D2HGDH: variants seen among roughly 807,000 people sequenced by gnomAD.
D2HGDH encodes the protein D-2-hydroxyglutarate dehydrogenase.
D2HGDH carries 31 observed loss-of-function variants against 46.9 expected under a neutral mutation model. The observed-to-expected ratio is 0.66, with a 90% CI of 0.50 to 0.89. The LOEUF is 0.89. D2HGDH is among the 40% of genes least tolerant of loss of function. The pLI is 0.00. For synonymous variants in D2HGDH, 364 were observed against 332.6 expected (o/e 1.09, Z -1.03); for missense variants, 698 against 720.8 (o/e 0.97, Z 0.36).
chr2:241,764,023 G>T (rs1398377426), intron 9 of D2HGDH, among the ~76,000 whole-genome samples: 11 of 152,254 alleles, frequency 7.2e-5, no homozygotes, highest in Non-Finnish European at 4.4e-5. Flanking sequence ...TCCGGCCTGG[G>T]TGACAGAGGG....
intron 9 of D2HGDH, among the ~76,000 whole-genome samples, chr2:241,757,401 AGGGG>A (rs1698289632): frequency 7.8e-6 from 1 of 127,972 alleles, no homozygotes; most frequent in Non-Finnish European, 1.8e-5. Flanking sequence ...GAATATGGGA[AGGGG>A]GTAAGGGCAT....
At position 241,755,812 on chromosome 2, in the gene D2HGDH, A is replaced by G. The variant is rs150709879; in HGVS notation, c.1141-37A>G. ...CCCCCTGTCCCCGGGTGTCGTTCCC[A>G]TAGCCAGCCCTTGTCTCATCTCGTC... On this transcript the variant is annotated intron_variant, in intron 8 of 9. Transcript: ENST00000321264. 4,324 of 1,610,338 alleles carry G rather than the reference A, an allele frequency of 2.7e-3. 100 individuals carry two copies. In the African/African-American group the frequency reaches 0.048, roughly 18 times the overall value.
chr2:241,745,967 C>G (rs373421625), intron 6 of D2HGDH, among the ~76,000 whole-genome samples: 2 of 152,156 alleles, frequency 1.3e-5, no homozygotes, highest in Non-Finnish European at 2.9e-5. Context: ...TCCTGGCCCC[C>G]CTTGGGCCAC....
At position 241,735,300 on chromosome 2, in the gene D2HGDH, C is replaced by T. The variant is rs146696295; in HGVS notation, c.76C>T (p.Arg26Trp). Residue 26 changes from arginine to tryptophan, a missense_variant, in exon 2 of 10, where the codon CGG becomes TGG. Transcript: ENST00000321264. ...GAPGAAGSWG[R>W]PVGPLARRGC... ...TCCGGGAGCCGCGGGTTCTTGGGGTCGGCCGGTTGGCCCCCTGGCCCGCAG... is the reference window on the plus strand; with the variant it reads ...TCCGGGAGCCGCGGGTTCTTGGGGTTGGCCGGTTGGCCCCCTGGCCCGCAG... 287 of 1,528,818 alleles carry T rather than the reference C, an allele frequency of 1.9e-4. 1 individual carries two copies. The African/African-American group carries it at 3.0e-3, about 16-fold the overall frequency. 94.7% of individuals were successfully genotyped at this position (1,528,818 alleles called of 1,614,324 possible).
chr2:241,750,030 CCTCGTGGCTGCCCAG>C (rs1353983562), intron 6 of D2HGDH, 106 bp from the exon 7 acceptor site: 2 of 1,478,354 alleles, frequency 1.4e-6, no homozygotes, highest in Non-Finnish European at 1.9e-6. Flanking sequence ...TCCTCGTGCT[CCTCGTGGCTGCCCAG>C]CTCACCCACC....
In D2HGDH at chr2:241,751,285, A is replaced by G. The variant is rs745398611; in HGVS notation, c.1037A>G (p.Asn346Ser). Reference sequence around the variant, plus strand: ...GTCCTCATCGAGACTTCAGGCTCCAACGCAGGCCATGACGCTGAGAAGCTG... The same window carrying G: ...GTCCTCATCGAGACTTCAGGCTCCAGCGCAGGCCATGACGCTGAGAAGCTG... ...FYVLIETSGS[N>S]AGHDAEKLGH... The change falls in exon 8 of 10, where the codon AAC becomes AGC. Residue 346 changes from asparagine (N) to serine (S), a missense_variant. Physicochemically the swap from Asn to Ser is conservative, Grantham distance 46. Coordinates refer to ENST00000321264, the MANE Select transcript of D2HGDH (RefSeq NM_152783.5). The G allele has an allele frequency of 6.2e-7, 1 of 1,614,010 alleles. No individual in the cohort carries two copies. Among genetic ancestry groups the G allele is most frequent in the South Asian group, 1.1e-5 (1 of 91,086 alleles).
intron 2 of D2HGDH, among the ~76,000 whole-genome samples, chr2:241,736,848 A>T (rs1308106679): frequency 2.7e-5 from 4 of 150,150 alleles, no homozygotes; most frequent in Non-Finnish European, 5.9e-5. Flanking sequence ...TTTAGTAGAG[A>T]CGGGGTTTCA....
In D2HGDH at chr2:241,743,572, G is replaced by T; in HGVS notation, c.491-50G>T. 1 of 1,585,540 alleles carries T rather than the reference G, an allele frequency of 6.3e-7. No homozygotes were observed. The highest frequency in any genetic ancestry group is 1.1e-5 in the South Asian group (1 of 88,132). On this transcript the variant is annotated intron_variant, in intron 4 of 9. Coordinates refer to ENST00000321264, the MANE Select transcript of D2HGDH (RefSeq NM_152783.5). The surrounding 1 kb of genome is among the most constrained non-coding windows in gnomAD (Gnocchi z 4.8). ...GATGGGGGTTGGGACTCACCAGCCC[G>T]GGGGCCCACTGGAAGCCAAGTGCTG...
rs111943006 is a variant in D2HGDH, at chr2:241,765,101, G to A, written c.1307-2609G>A. ...AGCTCCAGGGGCGACACCCATGGGG[G>A]TGGGGGCGTCCAGATAGAGCTGCCC... On this transcript the variant is annotated intron_variant, in intron 9 of 9. Transcript: ENST00000321264. 3.0e-3 allele frequency among the ~76,000 whole-genome samples: 454 copies of A among 152,318 alleles called. 2 individuals carry two copies. The highest frequency in any genetic ancestry group is 0.01 in the African/African-American group (430 of 41,556).
chr2:241,751,525 G>T (rs1697199449), intron 8 of D2HGDH, 137 bp downstream of exon 8: 2 of 1,344,160 alleles, frequency 1.5e-6, no homozygotes, highest in East Asian at 2.5e-5. Context: ...TCATGGCTTT[G>T]AGAGAGTAGC....
At chr2:241,737,234 T>G (rs1191826352) in intron 2 of D2HGDH, among the ~76,000 whole-genome samples, 1 of 152,184 alleles carries the variant, frequency 6.6e-6, no homozygotes, top group Non-Finnish European at 1.5e-5. Flanking sequence ...CCTCCCAAAG[T>G]GCTGGGATTA....
chr2:241,739,105 A>T (rs1381000884), intron 2 of D2HGDH, among the ~76,000 whole-genome samples: 2 of 152,188 alleles, frequency 1.3e-5, no homozygotes, highest in East Asian at 3.9e-4. Flanking sequence ...CCTTGCCCCC[A>T]TGGCCCCCTC....
intron 5 of D2HGDH, among the ~76,000 whole-genome samples, chr2:241,744,471 C>T (rs573983695): frequency 6.3e-4 from 96 of 152,342 alleles, no homozygotes; most frequent in African/African-American, 1.8e-3. Flanking sequence ...TGGCTGGGTC[C>T]TGGGCTGGGC....
chr2:241,743,193 C>T lies in D2HGDH; in HGVS notation c.491-429C>T, dbSNP rs376371017. On this transcript the variant is annotated intron_variant, in intron 4 of 9. Transcript: ENST00000321264. This position sits in a 1 kb window ranked among gnomAD's most constrained non-coding sequence, Gnocchi z 4.8. ...TCTCCCCGCAAGGCCGGGCTCCAGGCCCCGGTCACTCTGTGGTCGGGCGCC... is the reference window on the plus strand; with the variant it reads ...TCTCCCCGCAAGGCCGGGCTCCAGGTCCCGGTCACTCTGTGGTCGGGCGCC... Among the ~76,000 whole-genome samples, 28 of 152,318 alleles carry T rather than the reference C, an allele frequency of 1.8e-4. 1 individual carries two copies. In the East Asian group the frequency reaches 2.7e-3, roughly 15 times the overall value.
At chr2:241,736,670 C>CTTTTTTTTTTTTTTTTTTTTTTT (rs768906916) in intron 2 of D2HGDH, among the ~76,000 whole-genome samples, 1 of 147,400 alleles carries the variant, frequency 6.8e-6, no homozygotes. Context: ...ACCGTTTATC[C>CTTTTTTTTTTTTTTTTTTTTTTT]GTTTTTTTTT....
At chr2:241,737,710 G>A (rs1198366249) in intron 2 of D2HGDH, among the ~76,000 whole-genome samples, 1 of 152,158 alleles carries the variant, frequency 6.6e-6, no homozygotes, top group African/African-American at 2.4e-5. Context: ...GAGCAACATG[G>A]TGAAACTCTA....
At chr2:241,744,954 G>T in intron 6 of D2HGDH, 77 bp downstream of exon 6, 3 of 1,588,302 alleles carry the variant, frequency 1.9e-6, no homozygotes, top group Non-Finnish European at 8.6e-7. Context: ...CTGTTGGTGT[G>T]AGGAAGGGGA....
intron 2 of D2HGDH, among the ~76,000 whole-genome samples, chr2:241,737,269 C>T (rs1397083793): frequency 6.6e-6 from 1 of 152,234 alleles, no homozygotes; most frequent in Non-Finnish European, 1.5e-5. Flanking sequence ...CATGCCCAGC[C>T]CCATTTTTTC....
Position 241,735,349 on chromosome 2 carries a change from C to A in D2HGDH, c.125C>A (p.Thr42Asn). ...AGAGGCTGCTGCTCCGCCCCGGGGA[C>A]CCCCGAGGTGCCGCTGACCCGGGAG... ...ARRGCCSAPG[T>N]PEVPLTRERY... The change falls in exon 2 of 10, where the codon ACC becomes AAC. Residue 42 changes from threonine (T) to asparagine (N), a missense_variant. By Grantham distance (65) the Thr-to-Asn change is moderately conservative (BLOSUM62 0). Transcript: ENST00000321264. 2 of 1,557,804 alleles carry A rather than the reference C, an allele frequency of 1.3e-6. No individual in the cohort carries two copies. Among genetic ancestry groups the A allele is most frequent in the African/African-American group, 1.3e-5 (1 of 74,144 alleles).
Sources: gnomAD v4.1 joint callset for allele counts (sites outside exome capture counted in the v4.1 genomes callset) on GRCh38, gnomAD v4.1.1 for gene constraint, Gnocchi (gnomAD v3.1) non-coding constraint, MANE v1.5 for transcripts, NCBI Gene and HGNC (gene_info 2026-07-23, HGNC 2026-07-21) for gene names.